The following CABYR variants were observed in gnomAD, a reference collection of about 807,000 sequenced individuals.
The protein encoded by CABYR is calcium binding tyrosine phosphorylation regulated.
A neutral mutation model predicts 36.1 loss-of-function variants in CABYR; 31 were observed. The ratio of observed to expected loss-of-function variants is 0.86; its 90% CI spans 0.64 to 1.16. CABYR has a LOEUF of 1.16. Among genes scored for constraint, CABYR ranks in the 50% most tolerant of loss-of-function variants. The probability of loss-of-function intolerance (pLI) is 0.00; values close to 1 mark genes in which losing one functional copy is unlikely to be tolerated. For synonymous variants in CABYR, 146 were observed against 160.7 expected, an observed-to-expected ratio of 0.91 and a Z score of 0.69; for missense variants, 429 against 455.8, an observed-to-expected ratio of 0.94 and a Z score of 0.53.
rs2085765104 is a variant in CABYR, at chr18:24,155,795, G to A, written c.294G>A (p.Gln98=). The A allele has an allele frequency of 3.1e-6, 5 of 1,614,138 alleles. No individual in the cohort carries two copies. In the East Asian group the frequency reaches 1.1e-4, roughly 36 times the overall value. The part of the protein sequence containing the change: ...KTSVESKVPT[Q]MEKSTDTDED... ...CTGTAGAATCTAAAGTACCTACCCA[G>A]ATGGAAAAATCTACAGACACAGACG... is the stretch of plus-strand genomic sequence containing the variant. Residue 98 remains glutamine, a synonymous_variant, in exon 4 of 6, where the codon CAG becomes CAA. Coordinates refer to ENST00000399496, the MANE Select transcript of CABYR (RefSeq NM_153769.3).
intron 1 of CABYR, chr18:24,139,908 C>G (rs932004410): frequency 2.0e-5 from 3 of 151,360 alleles, no homozygotes; most frequent in African/African-American, 7.3e-5. Context: ...ATCATGGTTT[C>G]TGGGAGCCAC....
Position 24,155,791 on chromosome 18 carries a change from C to A in CABYR, c.290C>A (p.Thr97Asn), listed in dbSNP as rs1242173493. The A allele has an allele frequency of 1.2e-6, 2 of 1,613,886 alleles. No individual in the cohort carries two copies. Among genetic ancestry groups the A allele is most frequent in the Non-Finnish European group, 1.7e-6 (2 of 1,179,906 alleles). ...ACATCTGTAGAATCTAAAGTACCTA[C>A]CCAGATGGAAAAATCTACAGACACA... Reference protein sequence around the residue: ...GKTSVESKVPTQMEKSTDTDE... With the variant: ...GKTSVESKVPNQMEKSTDTDE... Residue 97 changes from threonine (T) to asparagine (N), a missense_variant, in exon 4 of 6, where the codon ACC (threonine) becomes AAC (asparagine). Coordinates refer to ENST00000399496, the MANE Select transcript of CABYR (RefSeq NM_153769.3).
chr18:24,151,822 T>G (rs2085644967), intron 3 of CABYR, among the ~76,000 whole-genome samples: 1 of 151,938 alleles, frequency 6.6e-6, no homozygotes, highest in Non-Finnish European at 1.5e-5. Context: ...CCTGAGTACC[T>G]GGGATTACAG....
At chr18:24,156,328 C>T (rs2085784810) in intron 4 of CABYR, 1 of 1,614,170 alleles carries the variant, frequency 6.2e-7, no homozygotes, top group Non-Finnish European at 8.5e-7. Context: ...TATGATCAAG[C>T]TCCTGAGGTC....
intron 3 of CABYR, chr18:24,152,718 T>C (rs1000816729): frequency 6.6e-6 from 1 of 152,116 alleles, no homozygotes; most frequent in Non-Finnish European, 1.5e-5. Context: ...CTTTCCAGAG[T>C]TGCCTAAGTC....
At chr18:24,143,444 AATG>A in intron 3 of CABYR, 31 bp downstream of exon 3, 1 of 1,276,466 alleles carries the variant, frequency 7.8e-7, no homozygotes, top group Non-Finnish European at 1.1e-6. Flanking sequence ...TAGTTTTAAT[AATG>A]ATGTTTATTA....
intron 5 of CABYR, chr18:24,160,359 A>ACT: frequency 2.9e-6 from 1 of 348,104 alleles, no homozygotes; most frequent in Non-Finnish European, 5.2e-6. Context: ...TAACAAACAC[A>ACT]GTGGTAGATG....
At position 24,160,067 on chromosome 18, in the gene CABYR, C is replaced by T. The variant is rs1356322737; in HGVS notation, c.1137C>T (p.Asn379=). 1 of 1,604,814 alleles carries T rather than the reference C, an allele frequency of 6.2e-7. No homozygotes were observed. Among genetic ancestry groups the T allele is most frequent in the Non-Finnish European group, 8.5e-7 (1 of 1,173,840 alleles). ...AHKRRKAETE[N] Reference sequence around the variant, plus strand: ...AACGTCGCAAAGCAGAAACTGAAAACTGGTAGGTACACTTTCCTACCATAA... The same window carrying T: ...AACGTCGCAAAGCAGAAACTGAAAATTGGTAGGTACACTTTCCTACCATAA... Residue 379 remains asparagine (N), a splice_region_variant and synonymous_variant, in exon 5 of 6, where the codon AAC becomes AAT. Transcript: ENST00000399496.
Position 24,159,454 on chromosome 18 carries a change from C to A in CABYR, c.542-18C>A. ...ACAGAGACCAAAACTTTAATTCCTG[C>A]AAAATTTTTTTTTATAGCAATGGCA... On this transcript the variant is annotated intron_variant, in intron 4 of 5. Transcript: ENST00000399496. The A allele has an allele frequency of 1.3e-6, 2 of 1,596,240 alleles. No homozygotes were observed. Among genetic ancestry groups the A allele is most frequent in the Non-Finnish European group, 1.7e-6 (2 of 1,168,478 alleles).
At chr18:24,151,783 G>C (rs886732348) in intron 3 of CABYR, among the ~76,000 whole-genome samples, 1 of 148,340 alleles carries the variant, frequency 6.7e-6, no homozygotes, top group Admixed American at 6.8e-5. Flanking sequence ...TCTACCTCCC[G>C]GGCTCAAGCA....
At chr18:24,141,885 C>T (rs561021991) in intron 1 of CABYR, among the ~76,000 whole-genome samples, 1 of 151,846 alleles carries the variant, frequency 6.6e-6, no homozygotes, top group Non-Finnish European at 1.5e-5. Flanking sequence ...ATATGAGAAA[C>T]GAAAGGTACA....
Position 24,155,989 on chromosome 18 carries a change from C to G in CABYR, c.488C>G (p.Pro163Arg), listed in dbSNP as rs11552049. The G allele has an allele frequency of 1.9e-6, 3 of 1,614,096 alleles. No homozygotes were observed. In the Admixed American group the frequency reaches 5.0e-5, roughly 27 times the overall value. Residue 163 changes from proline (P) to arginine (R), a missense_variant, in exon 4 of 6, where the codon CCA (proline) becomes CGA (arginine). By Grantham distance (103) the Pro-to-Arg change is moderately radical (BLOSUM62 -2). Transcript: ENST00000399496. ...TCACCACCTCCAACAGCTGTCTCAC[C>G]AGAGTTTGCCTACGTCCCAGCTGAC... ...PSSPPPTAVS[P>R]EFAYVPADPA...
intron 1 of CABYR, among the ~76,000 whole-genome samples, chr18:24,141,448 A>C (rs1284709317): frequency 1.3e-5 from 2 of 152,196 alleles, no homozygotes; most frequent in Non-Finnish European, 2.9e-5. Flanking sequence ...GGGTTTCAGT[A>C]TCCAGAATAG....
chr18:24,152,579 A>C (rs2085670032), intron 3 of CABYR: 1 of 152,148 alleles, frequency 6.6e-6, no homozygotes, highest in Admixed American at 6.5e-5. Context: ...TTAGCAGGGG[A>C]CTTCCAGAGA....
intron 1 of CABYR, 37 bp from the exon 2 acceptor site, chr18:24,143,054 A>G (rs986845432): frequency 5.3e-6 from 7 of 1,328,276 alleles, no homozygotes; most frequent in South Asian, 1.4e-5. Flanking sequence ...CTATTTTAGT[A>G]AAACTAATTA....
At chr18:24,142,071 TC>T (rs1211851492) in intron 1 of CABYR, among the ~76,000 whole-genome samples, 2 of 152,164 alleles carry the variant, frequency 1.3e-5, no homozygotes, top group Admixed American at 1.3e-4. Context: ...ATGCCTGTAA[TC>T]CCAACACTTT....
rs997624391 is a variant in CABYR, at chr18:24,159,975, G to C, written c.1045G>C (p.Gly349Arg). The C allele has an allele frequency of 6.2e-7, 1 of 1,614,006 alleles. No individual in the cohort carries two copies. The highest frequency in any genetic ancestry group is 8.5e-7 in the Non-Finnish European group (1 of 1,180,034). ...EDVAKKSSGSGDKCAPFGSYG... is the reference protein window; with the variant it reads ...EDVAKKSSGSRDKCAPFGSYG... ...TGTAGCTAAAAAAAGTTCAGGATCT[G>C]GTGACAAATGTGCTCCCTTTGGAAG... Residue 349 changes from glycine to arginine, a missense_variant, in exon 5 of 6, where the codon GGT (glycine) becomes CGT (arginine). Physicochemically the swap from Gly to Arg is moderately radical, Grantham distance 125 (BLOSUM62 -2). Coordinates refer to ENST00000399496, the MANE Select transcript of CABYR (RefSeq NM_153769.3).
chr18:24,153,097 G>A (rs931117218), intron 3 of CABYR, among the ~76,000 whole-genome samples: 4 of 152,190 alleles, frequency 2.6e-5, no homozygotes, highest in African/African-American at 9.6e-5. Flanking sequence ...GCCCCACAAA[G>A]GGCATCTCTC....
chr18:24,156,804 G>T (rs1265477875), intron 4 of CABYR: 4 of 1,614,040 alleles, frequency 2.5e-6, no homozygotes, highest in African/African-American at 2.7e-5. Context: ...TGGGCAGGAG[G>T]AGTCTGGGGA....
Sources: gnomAD v4.1 joint callset for allele counts (sites outside exome capture counted in the v4.1 genomes callset) on GRCh38, gnomAD v4.1.1 for gene constraint, MANE v1.5 for transcripts, NCBI Gene and HGNC (gene_info 2026-07-23, HGNC 2026-07-21) for gene names.